OSBPL3: variants seen among roughly 807,000 people sequenced by gnomAD.
OSBPL3 encodes the protein oxysterol binding protein like 3.
Under a neutral mutation model 120.1 loss-of-function variants are expected in OSBPL3, and 65 were observed. That is an observed-to-expected ratio of 0.54 (90% CI 0.44 to 0.67). OSBPL3 has a LOEUF of 0.67. Among genes scored for constraint, OSBPL3 ranks in the 30% least tolerant of loss-of-function variants. OSBPL3 has a pLI of 0.00. For missense variants in OSBPL3, 1,004 were observed against 1,082.1 expected, an observed-to-expected ratio of 0.93 and a Z score of 1.01; for synonymous variants, 416 against 402.6, an observed-to-expected ratio of 1.03 and a Z score of -0.40.
rs756947613 is a variant in OSBPL3 at position 24,830,735 on chromosome 7, C to T, written c.1884+33G>A. 1.3e-6 allele frequency: 2 copies of T among 1,578,718 alleles called. No individual in the cohort carries two copies. Among genetic ancestry groups the T allele is most frequent in the African/African-American group, 2.7e-5 (2 of 72,772 alleles). On this transcript the variant is annotated intron_variant, in intron 16 of 22. Transcript: ENST00000313367. The surrounding 1 kb of genome is among the most constrained non-coding windows in gnomAD (Gnocchi z 4.4). ...CATTTAATGGGAGACATAAGCAACC[C>T]CTCCCAACAAGCAAAAAATGGTGTA...
chr7:24,811,938 G>T (rs1215087750), intron 19 of OSBPL3, among the ~76,000 whole-genome samples: 2 of 152,114 alleles, frequency 1.3e-5, no homozygotes, highest in South Asian at 2.1e-4. Flanking sequence ...TTAACTATCT[G>T]CAGTTTGTAA....
chr7:24,915,625 G>A (rs1321991149), intron 1 of OSBPL3, among the ~76,000 whole-genome samples: 4 of 150,290 alleles, frequency 2.7e-5, no homozygotes, highest in Non-Finnish European at 5.9e-5. Flanking sequence ...CCAGGCTGGA[G>A]TGCAGTGGTA....
chr7:24,916,591 T>C lies in OSBPL3; in HGVS notation c.-149-23970A>G, dbSNP rs1584611360. On this transcript the variant is annotated intron_variant, in intron 1 of 22. Transcript: ENST00000313367. The surrounding 1 kb of genome is among the most constrained non-coding windows in gnomAD (Gnocchi z 4.9). ...CTCCCCAACCTCAGATTCTGACTCA[T>C]ATACCTCCATCAGTCTTCTTCATTC... Among the ~76,000 whole-genome samples the C allele has an allele frequency of 2.0e-5, 3 of 152,226 alleles. No homozygotes were observed. Among genetic ancestry groups the C allele is most frequent in the Admixed American group, 2.0e-4 (3 of 15,288 alleles).
At chr7:24,874,945 C>T (rs1256719250) in intron 2 of OSBPL3, among the ~76,000 whole-genome samples, 2 of 152,148 alleles carry the variant, frequency 1.3e-5, no homozygotes, top group Non-Finnish European at 1.5e-5. Context: ...AATGCTCCCT[C>T]GGGGACACTG....
intron 10 of OSBPL3, among the ~76,000 whole-genome samples, chr7:24,856,674 T>C (rs565181813): frequency 6.6e-6 from 1 of 152,310 alleles, no homozygotes; most frequent in South Asian, 2.1e-4. Flanking sequence ...TACATGTAGA[T>C]GATGGGCACA....
rs1273175968 is a variant in OSBPL3, at chr7:24,946,729, G to A, written c.-150+33157C>T. ...AGGTCCATCTTATCCACTCCATGTG[G>A]CAAACATTTCTCCCTCCTCTGCTCA... On this transcript the variant is annotated intron_variant, in intron 1 of 22. Coordinates refer to ENST00000313367, the MANE Select transcript of OSBPL3 (RefSeq NM_015550.4). This position sits in a 1 kb window ranked among gnomAD's most constrained non-coding sequence, Gnocchi z 4.3. 6.6e-6 allele frequency among the ~76,000 whole-genome samples: 1 copy of A among 152,136 alleles called. No individual in the cohort carries two copies. Among genetic ancestry groups the A allele is most frequent in the African/African-American group, 2.4e-5 (1 of 41,412 alleles).
At chr7:24,973,317 T>G (rs1024419550) in intron 1 of OSBPL3, among the ~76,000 whole-genome samples, 3 of 152,196 alleles carry the variant, frequency 2.0e-5, no homozygotes, top group Non-Finnish European at 4.4e-5. Context: ...AAAGAAACTT[T>G]TATGAAAGAA....
intron 1 of OSBPL3, among the ~76,000 whole-genome samples, chr7:24,928,615 C>T (rs1043823392): frequency 3.9e-5 from 6 of 152,206 alleles, no homozygotes; most frequent in African/African-American, 9.6e-5. Flanking sequence ...ATGTAACCAT[C>T]GCTTCAATCA....
chr7:24,954,133 G>C (rs537380770), intron 1 of OSBPL3, among the ~76,000 whole-genome samples: 1 of 152,134 alleles, frequency 6.6e-6, no homozygotes, highest in Non-Finnish European at 1.5e-5. Flanking sequence ...TAGCAATAAT[G>C]TCCAAACACA....
Position 24,926,684 on chromosome 7 carries a change from C to A in OSBPL3, c.-149-34063G>T, listed in dbSNP as rs1811092609. On this transcript the variant is annotated intron_variant, in intron 1 of 22. Transcript: ENST00000313367. ...AATGAGGCCTTCTTGTCCATTTCTG[C>A]CTAACATCCCCAGGCTGGCATGCAC... Among the ~76,000 whole-genome samples, 4 of 152,160 alleles carry A rather than the reference C, an allele frequency of 2.6e-5. No individual in the cohort carries two copies. In the South Asian group the frequency reaches 8.3e-4, roughly 32 times the overall value.
At chr7:24,906,236 TC>T in intron 1 of OSBPL3, 1 of 262,452 alleles carries the variant, frequency 3.8e-6, no homozygotes, top group Admixed American at 4.7e-5. Flanking sequence ...GCAGCCTCAT[TC>T]CAGGAGCAGG....
intron 12 of OSBPL3, 105 bp downstream of exon 12, chr7:24,848,964 G>T: frequency 1.3e-6 from 1 of 772,698 alleles, no homozygotes; most frequent in Non-Finnish European, 2.3e-6. Context: ...CAGAGAGGTG[G>T]ACAGCACCCA....
At position 24,873,971 on chromosome 7, in the gene OSBPL3, C is replaced by T. The variant is rs888950266; in HGVS notation, c.97-1902G>A. On this transcript the variant is annotated intron_variant, in intron 2 of 22. Coordinates refer to ENST00000313367, the MANE Select transcript of OSBPL3 (RefSeq NM_015550.4). This position sits in a 1 kb window ranked among gnomAD's most constrained non-coding sequence, Gnocchi z 4.1. Reference sequence around the variant, plus strand: ...ACTTACTTATGATAACATGTACATGCGGTTTTATCATCCCTGCTGGACAGC... The same window carrying T: ...ACTTACTTATGATAACATGTACATGTGGTTTTATCATCCCTGCTGGACAGC... Among the ~76,000 whole-genome samples, 4 of 152,124 alleles carry T rather than the reference C, an allele frequency of 2.6e-5. No individual in the cohort carries two copies. The highest frequency in any genetic ancestry group is 7.2e-5 in the African/African-American group (3 of 41,404).
Position 24,852,121 on chromosome 7 carries a change from A to G in OSBPL3, c.1158+383T>C, listed in dbSNP as rs1337462528. The stretch of plus-strand genomic sequence containing the variant: ...CTCTGCCACCTGTCATTTGGAAAGT[A>G]AGGCTAAGCTTGTGGTGTCTCATGC... On this transcript the variant is annotated intron_variant, in intron 11 of 22. Coordinates refer to ENST00000313367, the MANE Select transcript of OSBPL3 (RefSeq NM_015550.4). The surrounding 1 kb of genome is among the most constrained non-coding windows in gnomAD (Gnocchi z 4.1). 2.6e-5 allele frequency among the ~76,000 whole-genome samples: 4 copies of G among 152,360 alleles called. No individual in the cohort carries two copies. In the East Asian group the frequency reaches 7.7e-4, roughly 29 times the overall value.
chr7:24,886,897 A>G (rs1342155056), intron 2 of OSBPL3, among the ~76,000 whole-genome samples: 1 of 152,178 alleles, frequency 6.6e-6, no homozygotes, highest in Non-Finnish European at 1.5e-5. Context: ...CCAGGACTGC[A>G]AGGAAACCAT....
At position 24,881,993 on chromosome 7, in the gene OSBPL3, A is replaced by G. The variant is rs533692806; in HGVS notation, c.97-9924T>C. Among the ~76,000 whole-genome samples, 1 of 152,310 alleles carries G rather than the reference A, an allele frequency of 6.6e-6. No individual in the cohort carries two copies. The highest frequency in any genetic ancestry group is 1.5e-5 in the Non-Finnish European group (1 of 68,022). On this transcript the variant is annotated intron_variant, in intron 2 of 22. Coordinates refer to ENST00000313367, the MANE Select transcript of OSBPL3 (RefSeq NM_015550.4). This position sits in a 1 kb window ranked among gnomAD's most constrained non-coding sequence, Gnocchi z 4.3. ...GTCAGTGAATTTAGGGCCCACCTGG[A>G]TAATCTGAGCTGCCCTACTCATCTC...
intron 6 of OSBPL3, 51 bp downstream of exon 6, chr7:24,866,019 G>T (rs1305553576): frequency 1.3e-6 from 2 of 1,510,276 alleles, no homozygotes; most frequent in East Asian, 2.3e-5. Context: ...AGGACTCCAT[G>T]AAACAAAGCC....
In OSBPL3 at chr7:24,798,408, T is replaced by A. The variant is rs1791944670; in HGVS notation, c.*1775A>T. On this transcript the variant is annotated 3_prime_UTR_variant, in exon 23 of 23. Coordinates refer to ENST00000313367, the MANE Select transcript of OSBPL3 (RefSeq NM_015550.4). The surrounding 1 kb of genome is among the most constrained non-coding windows in gnomAD (Gnocchi z 4.6). ...CTTAAATCTACAGCCTGCTTCCTCA[T>A]GTCTGTGAGCAGAATTTGGATAAAT... The A allele has an allele frequency of 6.6e-6, 1 of 152,210 alleles. No individual in the cohort carries two copies. Among genetic ancestry groups the A allele is most frequent in the Non-Finnish European group, 1.5e-5 (1 of 68,038 alleles). The allele number at this position is 152,210 out of a possible 1,614,324, so 9.4% of individuals were successfully genotyped here.
Position 24,855,600 on chromosome 7 carries a change from A to G in OSBPL3, c.1028-2966T>C, listed in dbSNP as rs1411903693. On this transcript the variant is annotated intron_variant, in intron 10 of 22. Transcript: ENST00000313367. The surrounding 1 kb of genome is among the most constrained non-coding windows in gnomAD (Gnocchi z 4.3). ...ATGACTATCAGGGCCCACTCAGGACATTAAAATAGTCATTCACAGCCACCT... is the reference window on the plus strand; with the variant it reads ...ATGACTATCAGGGCCCACTCAGGACGTTAAAATAGTCATTCACAGCCACCT... Among the ~76,000 whole-genome samples, 1 of 152,196 alleles carries G rather than the reference A, an allele frequency of 6.6e-6. No individual in the cohort carries two copies.
Sources: allele counts gnomAD v4.1 joint callset (sites outside exome capture counted in the v4.1 genomes callset), GRCh38; gene constraint gnomAD v4.1.1; non-coding constraint Gnocchi (gnomAD v3.1); transcripts MANE v1.5; gene names NCBI Gene and HGNC (gene_info 2026-07-23, HGNC 2026-07-21).